Variants in SMIM36 observed in about 807,000 individuals in gnomAD.
SMIM36 encodes the protein small integral membrane protein 36.
intron 1 of SMIM36, among the ~76,000 whole-genome samples, chr17:55,502,461 C>G (rs1305246105): frequency 9.3e-6 from 1 of 107,364 alleles, no homozygotes; most frequent in Non-Finnish European, 1.8e-5. Context: ...CCAGCAGGGG[C>G]ACACTGACAC....
At chr17:55,462,668 G>A (rs1424264529) in intron 4 of SMIM36, among the ~76,000 whole-genome samples, 1 of 152,146 alleles carries the variant, frequency 6.6e-6, no homozygotes, top group Admixed American at 6.5e-5. Flanking sequence ...ATGCAGCGTT[G>A]TCATGAGGAT....
intron 3 of SMIM36, among the ~76,000 whole-genome samples, chr17:55,476,409 C>T (rs1194377377): frequency 6.6e-6 from 1 of 152,110 alleles, no homozygotes; most frequent in Non-Finnish European, 1.5e-5. Context: ...CACCCCATCT[C>T]CCTTTGCTGA....
chr17:55,498,525 A>AT (rs1909848838), intron 1 of SMIM36, among the ~76,000 whole-genome samples: 1 of 152,006 alleles, frequency 6.6e-6, no homozygotes, highest in South Asian at 2.1e-4. Flanking sequence ...AAATATCACA[A>AT]TATGCCAGAT....
In SMIM36 at chr17:55,456,116, C is replaced by CAAAAAAAAAAAAAAAAAAAAA. The variant is rs10546288; in HGVS notation, c.*532-5839_*532-5819dup. On this transcript the variant is annotated intron_variant, in intron 4 of 4. Coordinates refer to ENST00000636752, the Ensembl canonical transcript of SMIM36. ...CTGGGCAACAAGTGCAAAACTGTCT[C>CAAAAAAAAAAAAAAAAAAAAA]AAAAAAAAAAAAAAAAAAAAAAAAA... Among the ~76,000 whole-genome samples the CAAAAAAAAAAAAAAAAAAAAA allele has an allele frequency of 5.1e-5, 2 of 39,500 alleles. 1 individual carries two copies. The highest frequency in any genetic ancestry group is 1.8e-4 in the African/African-American group (2 of 11,352). 25.9% of individuals were successfully genotyped at this position (39,500 alleles called of 152,430 possible). A position where few individuals can be genotyped will look rare whatever the true frequency, so the allele number is the denominator to read the frequency against.
intron 3 of SMIM36, among the ~76,000 whole-genome samples, chr17:55,475,188 T>A (rs1215387417): frequency 4.6e-5 from 7 of 152,090 alleles, no homozygotes; most frequent in Admixed American, 1.3e-4. Context: ...TCTCAACTAC[T>A]CATAAATGCC....
chr17:55,464,746 C>T (rs1046868754), intron 4 of SMIM36, among the ~76,000 whole-genome samples: 1 of 152,238 alleles, frequency 6.6e-6, no homozygotes, highest in Non-Finnish European at 1.5e-5. Context: ...CCTAAGCTCT[C>T]TCCACCTGAC....
intron 4 of SMIM36, among the ~76,000 whole-genome samples, chr17:55,458,688 T>C (rs1909077526): frequency 6.6e-6 from 1 of 150,562 alleles, no homozygotes; most frequent in Non-Finnish European, 1.5e-5. Context: ...AGAGCATGCC[T>C]CCTCTGCGGC....
upstream of SMIM36, chr17:55,511,523 A>C: frequency 2.8e-6 from 1 of 359,656 alleles, no homozygotes; most frequent in Non-Finnish European, 5.0e-6. Flanking sequence ...GCTTGCTGTT[A>C]ATACCACAGC....
chr17:55,488,543 T>C (rs1385407672), intron 1 of SMIM36, among the ~76,000 whole-genome samples: 1 of 152,232 alleles, frequency 6.6e-6, no homozygotes, highest in East Asian at 1.9e-4. Flanking sequence ...TACATGCTGT[T>C]CAGAAGTTTG....
upstream of SMIM36, among the ~76,000 whole-genome samples, chr17:55,513,853 T>C (rs186799657): frequency 5.9e-5 from 9 of 152,364 alleles, no homozygotes; most frequent in East Asian, 1.7e-3. Context: ...GTAATGGTGA[T>C]AATCATTAAT....
intron 4 of SMIM36, among the ~76,000 whole-genome samples, chr17:55,463,052 A>C (rs1232813548): frequency 6.6e-6 from 1 of 152,126 alleles, no homozygotes; most frequent in Non-Finnish European, 1.5e-5. Flanking sequence ...TTCTTTTCTA[A>C]TTGGAGTTCC....
At chr17:55,509,673 C>G (rs1045559338) in intron 1 of SMIM36, among the ~76,000 whole-genome samples, 1 of 152,138 alleles carries the variant, frequency 6.6e-6, no homozygotes, top group African/African-American at 2.4e-5. Flanking sequence ...TCTTTATTTC[C>G]ACACAGGTCC....
chr17:55,465,670 G>A (rs1444318270), intron 4 of SMIM36, among the ~76,000 whole-genome samples: 1 of 152,052 alleles, frequency 6.6e-6, no homozygotes, highest in African/African-American at 2.4e-5. Context: ...TCTTTCATCA[G>A]GTGGTGATTT....
intron 1 of SMIM36, among the ~76,000 whole-genome samples, chr17:55,498,368 C>T (rs936576424): frequency 2.6e-5 from 4 of 152,112 alleles, no homozygotes; most frequent in Admixed American, 6.5e-5. Context: ...TTCTACAGCA[C>T]GTGACAGCTG....
chr17:55,511,485 A>G (rs1316013021), upstream of SMIM36: 1 of 388,620 alleles, frequency 2.6e-6, no homozygotes, highest in Non-Finnish European at 4.5e-6. Context: ...GACCTCGAGG[A>G]TTAAAGCTGC....
chr17:55,493,387 G>T (rs1373286695), intron 1 of SMIM36, among the ~76,000 whole-genome samples: 1 of 152,184 alleles, frequency 6.6e-6, no homozygotes, highest in Non-Finnish European at 1.5e-5. Flanking sequence ...GCTCCAAGGT[G>T]TAGTCTGTAG....
At chr17:55,522,164 G>A in the SMIM36 span, among the ~76,000 whole-genome samples, 14 of 152,082 alleles carry the variant, frequency 9.2e-5, no homozygotes, top group African/African-American at 2.4e-4. Context: ...TAGCCACTTC[G>A]GTGTTTTTTG....
At chr17:55,469,278 C>T (rs1909300458) in intron 3 of SMIM36, among the ~76,000 whole-genome samples, 1 of 152,174 alleles carries the variant, frequency 6.6e-6, no homozygotes, top group South Asian at 2.1e-4. Context: ...CCCAAAATTG[C>T]CTCTGACAGA....
chr17:55,469,718 G>A (rs1246750160), intron 3 of SMIM36, among the ~76,000 whole-genome samples: 3 of 152,186 alleles, frequency 2.0e-5, no homozygotes, highest in African/African-American at 4.8e-5. Flanking sequence ...AGTGGCTCAC[G>A]CCTGTAATCC....
Sources: allele counts gnomAD v4.1 joint callset (sites outside exome capture counted in the v4.1 genomes callset), GRCh38; gene constraint gnomAD v4.1.1; transcripts MANE v1.5; gene names NCBI Gene and HGNC (gene_info 2026-07-23, HGNC 2026-07-21).